ADAMTS6: variants seen among roughly 807,000 people sequenced by gnomAD.
ADAMTS6 encodes ADAM metallopeptidase with thrombospondin type 1 motif 6.
A neutral mutation model predicts 144.3 loss-of-function variants in ADAMTS6; 23 were observed. The observed-to-expected ratio is 0.16, with a 90% CI of 0.11 to 0.23. The LOEUF is 0.23. ADAMTS6 is among the 10% of genes least tolerant of loss of function. The probability of loss-of-function intolerance (pLI) is 1.00; values close to 1 mark genes in which losing one functional copy is unlikely to be tolerated. For synonymous variants in ADAMTS6, 444 were observed against 457.5 expected (o/e 0.97, Z 0.38); for missense variants, 999 against 1,379.6 (o/e 0.72, Z 4.37).
At chr5:65,457,536 T>A (rs910497713) in intron 4 of ADAMTS6, among the ~76,000 whole-genome samples, 2 of 152,250 alleles carry the variant, frequency 1.3e-5, no homozygotes, top group South Asian at 2.1e-4. Context: ...GTTAAAATAA[T>A]GTGATACATA....
At position 65,162,440 on chromosome 5, in the gene ADAMTS6, T is replaced by C. The variant is rs142771047; in HGVS notation, c.3244+8177A>G. ...CCTACTTTAAAGACTAAATTAAGAATAGCATGCAAATATAGTTGAAATGGA... is the reference window on the plus strand; with the variant it reads ...CCTACTTTAAAGACTAAATTAAGAACAGCATGCAAATATAGTTGAAATGGA... On this transcript the variant is annotated intron_variant, in intron 24 of 24. Transcript: ENST00000381055. Among the ~76,000 whole-genome samples, 3 of 152,272 alleles carry C rather than the reference T, an allele frequency of 2.0e-5. No individual in the cohort carries two copies. In the East Asian group the frequency reaches 5.8e-4, roughly 29 times the overall value.
chr5:65,307,656 TAGAG>T (rs1283099636), intron 9 of ADAMTS6, among the ~76,000 whole-genome samples: 11 of 152,178 alleles, frequency 7.2e-5, no homozygotes, highest in Non-Finnish European at 1.6e-4. Context: ...CATTCATTGT[TAGAG>T]AGAATTTAAA....
intron 11 of ADAMTS6, among the ~76,000 whole-genome samples, chr5:65,275,399 G>GAAAGAAAGAAAGAAAGA (rs1302734614): frequency 9.1e-6 from 1 of 109,966 alleles, no homozygotes; most frequent in East Asian, 2.2e-4. Flanking sequence ...AAGAAAGAAA[G>GAAAGAAAGAAAGAAAGA]AAAGAAAGAA....
At chr5:65,445,441 G>A (rs1332943117) in intron 7 of ADAMTS6, among the ~76,000 whole-genome samples, 4 of 152,128 alleles carry the variant, frequency 2.6e-5, no homozygotes, top group African/African-American at 7.2e-5. Context: ...GGGTTCAAGC[G>A]ATTCTCCTAC....
At position 65,455,840 on chromosome 5, in the gene ADAMTS6, A is replaced by G. The variant is rs1759146504; in HGVS notation, c.632-2922T>C. Among the ~76,000 whole-genome samples, 3 of 151,994 alleles carry G rather than the reference A, an allele frequency of 2.0e-5. No homozygotes were observed. In the South Asian group the frequency reaches 6.2e-4, roughly 32 times the overall value. ...TAATAAAAAAAACAAAAATGTATTC[A>G]GTGTAAGGTAGTTGCTGTTATCATC... is the stretch of plus-strand genomic sequence containing the variant. On this transcript the variant is annotated intron_variant, in intron 4 of 24. Coordinates refer to ENST00000381055, the MANE Select transcript of ADAMTS6 (RefSeq NM_197941.4).
intron 21 of ADAMTS6, among the ~76,000 whole-genome samples, chr5:65,189,363 C>A (rs1754864232): frequency 1.3e-5 from 2 of 152,140 alleles, no homozygotes; most frequent in Non-Finnish European, 2.9e-5. Flanking sequence ...TCAACTGGAG[C>A]AAAAGGGACC....
chr5:65,336,234 G>A (rs1367262732), intron 7 of ADAMTS6, among the ~76,000 whole-genome samples: 1 of 152,062 alleles, frequency 6.6e-6, no homozygotes, highest in Non-Finnish European at 1.5e-5. Flanking sequence ...AGAGTAGGGA[G>A]AATATACATA....
chr5:65,196,327 C>T (rs114140462), intron 21 of ADAMTS6, among the ~76,000 whole-genome samples: 2,144 of 151,704 alleles, frequency 0.014, 69 homozygotes, highest in African/African-American at 0.049. Flanking sequence ...ACGAGGTGAT[C>T]CTGGCTAACA....
intron 3 of ADAMTS6, among the ~76,000 whole-genome samples, chr5:65,465,813 C>G (rs922404570): frequency 1.3e-5 from 2 of 152,180 alleles, no homozygotes; most frequent in African/African-American, 4.8e-5. Flanking sequence ...TATGTTGTTT[C>G]TGCTACATCT....
chr5:65,275,986 C>G (rs992404210), intron 11 of ADAMTS6, among the ~76,000 whole-genome samples: 7 of 151,972 alleles, frequency 4.6e-5, no homozygotes, highest in African/African-American at 1.4e-4. Flanking sequence ...GTAAAAGAAG[C>G]CTAAAGTTTA....
At chr5:65,426,178 C>CT (rs1203124172) in intron 7 of ADAMTS6, among the ~76,000 whole-genome samples, 1 of 151,764 alleles carries the variant, frequency 6.6e-6, no homozygotes, top group African/African-American at 2.4e-5. Flanking sequence ...TCCCAAGTAG[C>CT]TGGGATTACA....
intron 3 of ADAMTS6, among the ~76,000 whole-genome samples, chr5:65,464,613 G>A (rs887024413): frequency 1.3e-5 from 2 of 152,008 alleles, no homozygotes; most frequent in Non-Finnish European, 2.9e-5. Context: ...CCCATCCATG[G>A]ACCTAGTTTA....
chr5:65,427,234 T>A (rs1756611465), intron 7 of ADAMTS6, among the ~76,000 whole-genome samples: 1 of 152,062 alleles, frequency 6.6e-6, no homozygotes, highest in South Asian at 2.1e-4. Context: ...ATTTTTCTAT[T>A]TTTATTTTTA....
chr5:65,152,418 C>CGTGGGG (rs1561225832), intron 24 of ADAMTS6, among the ~76,000 whole-genome samples: 1 of 152,120 alleles, frequency 6.6e-6, no homozygotes, highest in African/African-American at 2.4e-5. Context: ...ATCTGTGAGG[C>CGTGGGG]GTGGGGATGG....
chr5:65,224,560 T>C (rs1757580568), intron 17 of ADAMTS6, among the ~76,000 whole-genome samples, 160 bp from the exon 18 acceptor site: 1 of 152,248 alleles, frequency 6.6e-6, no homozygotes, highest in Non-Finnish European at 1.5e-5. Context: ...GGTTCATGAA[T>C]ACATTTTAGA....
At chr5:65,194,495 G>A (rs984113638) in intron 21 of ADAMTS6, among the ~76,000 whole-genome samples, 13 of 152,154 alleles carry the variant, frequency 8.5e-5, no homozygotes, top group African/African-American at 3.1e-4. Context: ...AGTAGGTTAG[G>A]TGAAGTAAAT....
chr5:65,392,629 G>A (rs1197877696), intron 7 of ADAMTS6, among the ~76,000 whole-genome samples: 2 of 152,066 alleles, frequency 1.3e-5, no homozygotes, highest in Non-Finnish European at 2.9e-5. Flanking sequence ...ATTTAGCACT[G>A]ACCCTAACCT....
chr5:65,262,666 G>A, intron 13 of ADAMTS6, 151 bp downstream of exon 13: 1 of 763,750 alleles, frequency 1.3e-6, no homozygotes, highest in East Asian at 3.3e-5. Flanking sequence ...GTCTAACAAA[G>A]CTCCTCCACT....
intron 7 of ADAMTS6, among the ~76,000 whole-genome samples, chr5:65,438,875 G>A (rs7728131): frequency 0.61 from 92,575 of 152,024 alleles, 30,018 homozygotes; most frequent in African/African-American, 0.84. Flanking sequence ...TCAAACAAAC[G>A]AAAACACAAG....
Sources: allele counts gnomAD v4.1 joint callset (sites outside exome capture counted in the v4.1 genomes callset), GRCh38; gene constraint gnomAD v4.1.1; transcripts MANE v1.5; gene names NCBI Gene and HGNC (gene_info 2026-07-23, HGNC 2026-07-21).